Variants in ZFR2 observed in about 807,000 individuals in gnomAD.
ZFR2 encodes the protein zinc finger RNA-binding protein 2.
A neutral mutation model predicts 105.7 loss-of-function variants in ZFR2; 104 were observed. The ratio of observed to expected loss-of-function variants is 0.98; its 90% CI spans 0.84 to 1.16. The LOEUF (loss-of-function observed/expected upper bound fraction) is 1.16. Among genes scored for constraint, ZFR2 ranks in the 50% most tolerant of loss-of-function variants. ZFR2 has a pLI of 0.00. For missense variants in ZFR2, 1,425 were observed against 1,355.5 expected, an observed-to-expected ratio of 1.05 and a Z score of -0.80; for synonymous variants, 634 against 597.7, an observed-to-expected ratio of 1.06 and a Z score of -0.89.
intron 1 of ZFR2, among the ~76,000 whole-genome samples, chr19:3,856,649 A>T (rs2038305202): frequency 6.6e-6 from 1 of 152,150 alleles, no homozygotes; most frequent in Admixed American, 6.5e-5. Context: ...TGGTATGGTG[A>T]TGGTGTGATG....
In ZFR2 at chr19:3,825,348, G is replaced by A; in HGVS notation, c.1095C>T (p.Ala365=). The A allele has an allele frequency of 1.3e-6, 2 of 1,590,470 alleles. No individual in the cohort carries two copies. The change falls in exon 7 of 19, where the codon GCC becomes GCT. Residue 365 remains alanine (A), a synonymous_variant. Transcript: ENST00000262961. ...KPIPTLEPAL[A]TESPPGAEAK... is the part of the protein sequence containing the mutation. ...CCTCTGCCCCGGGGGGGCTCTCTGT[G>A]GCCAGTGCAGGCTCGAGGGTGGGAA...
In ZFR2 at chr19:3,822,181, C is replaced by T. The variant is rs117045684; in HGVS notation, c.1391G>A (p.Arg464Gln). Residue 464 changes from arginine (R) to glutamine (Q), a missense_variant, in exon 9 of 19, where the codon CGA becomes CAA. Coordinates refer to ENST00000262961, the MANE Select transcript of ZFR2 (RefSeq NM_015174.2). ...CAGCTTGCAGTGGAAGCGAAGCACT[C>T]GCCCTTCGTCGCTGAACACCTGAGA... ...YVEEVFSDEG[R>Q]VLRFHCKLCE... The T allele has an allele frequency of 4.4e-6, 7 of 1,598,370 alleles. No individual in the cohort carries two copies. The Middle Eastern group carries it at 8.3e-4, about 189-fold the overall frequency.
At chr19:3,855,095 T>A (rs918890294) in intron 1 of ZFR2, among the ~76,000 whole-genome samples, 1 of 151,948 alleles carries the variant, frequency 6.6e-6, no homozygotes, top group Non-Finnish European at 1.5e-5. Context: ...GGGGTCTCAC[T>A]ATGTCGCCCA....
rs1010625992 is a variant in ZFR2 at position 3,813,016 on chromosome 19, G to C, written c.2242+804C>G. On this transcript the variant is annotated intron_variant, in intron 14 of 18. Transcript: ENST00000262961. This position sits in a 1 kb window ranked among gnomAD's most constrained non-coding sequence, Gnocchi z 4.4. ...AATCGCTTGAACCCAGGCGGCGGAA[G>C]TTGCAGTGAGCTGAGATTGCGCCAT... is the stretch of plus-strand genomic sequence containing the variant. Among the ~76,000 whole-genome samples the C allele has an allele frequency of 6.6e-6, 1 of 152,192 alleles. No homozygotes were observed. The highest frequency in any genetic ancestry group is 6.5e-5 in the Admixed American group (1 of 15,290).
intron 1 of ZFR2, among the ~76,000 whole-genome samples, chr19:3,840,100 C>T (rs2038120269): frequency 6.6e-6 from 1 of 152,170 alleles, no homozygotes; most frequent in Non-Finnish European, 1.5e-5. Context: ...CCACACGGTT[C>T]ACTGATTTTA....
At chr19:3,819,878 T>C (rs1453142147) in intron 11 of ZFR2, among the ~76,000 whole-genome samples, 2 of 116,364 alleles carry the variant, frequency 1.7e-5, no homozygotes, top group African/African-American at 3.3e-5. Context: ...CCATCGAACC[T>C]GGGGGCTCGG....
chr19:3,837,582 G>A (rs913469712), intron 1 of ZFR2, among the ~76,000 whole-genome samples: 11 of 146,392 alleles, frequency 7.5e-5, no homozygotes, highest in Non-Finnish European at 1.2e-4. Context: ...AATGAACACC[G>A]TGACCATGAC....
At chr19:3,824,560 C>G (rs1415847676) in intron 7 of ZFR2, among the ~76,000 whole-genome samples, 5 of 152,112 alleles carry the variant, frequency 3.3e-5, no homozygotes, top group African/African-American at 1.2e-4. Flanking sequence ...CAGGGGAGCA[C>G]AGTGGAGGTG....
At chr19:3,849,232 A>G (rs1476047856) in intron 1 of ZFR2, among the ~76,000 whole-genome samples, 2 of 152,056 alleles carry the variant, frequency 1.3e-5, no homozygotes, top group African/African-American at 4.8e-5. Context: ...CCTTCAGCCC[A>G]GGACCCCAAG....
rs191938471 is a variant in ZFR2 at position 3,806,269 on chromosome 19, G to A, written c.2644-144C>T. ...TCGAGATAGCCCCCGGCCCCCCGCC[G>A]CTTTCTTTTTTGAGACACAGTCTCG... is the stretch of plus-strand genomic sequence containing the variant. On this transcript the variant is annotated intron_variant, in intron 18 of 18. Coordinates refer to ENST00000262961, the MANE Select transcript of ZFR2 (RefSeq NM_015174.2). The A allele has an allele frequency of 2.4e-4, 226 of 958,682 alleles. 1 individual carries two copies. In the African/African-American group the frequency reaches 3.2e-3, roughly 13 times the overall value. 59.4% of individuals were successfully genotyped at this position (958,682 alleles called of 1,614,324 possible). A position where few individuals can be genotyped will look rare whatever the true frequency, so the allele number is the denominator to read the frequency against.
At chr19:3,835,774 G>C (rs1232050752) in intron 1 of ZFR2, among the ~76,000 whole-genome samples, 1 of 151,668 alleles carries the variant, frequency 6.6e-6, no homozygotes, top group African/African-American at 2.4e-5. Context: ...ATGAGACCTT[G>C]TCTCCACCAA....
chr19:3,850,900 CAAAAAAA>C (rs59933286), intron 1 of ZFR2, among the ~76,000 whole-genome samples: 189 of 92,496 alleles, frequency 2.0e-3, no homozygotes, highest in African/African-American at 7.3e-3. Context: ...GCAGTCTTTT[CAAAAAAA>C]AAAAAAAAAA....
At chr19:3,812,924 C>CA (rs973310484) in intron 14 of ZFR2, among the ~76,000 whole-genome samples, 8 of 151,922 alleles carry the variant, frequency 5.3e-5, no homozygotes, top group African/African-American at 1.2e-4. Flanking sequence ...ACTAAAAATA[C>CA]AAAAAAATTA....
In ZFR2 at chr19:3,805,996, C is replaced by A. The variant is rs749788526; in HGVS notation, c.2773G>T (p.Ala925Ser). The A allele has an allele frequency of 1.9e-6, 3 of 1,545,418 alleles. No individual in the cohort carries two copies. The highest frequency in any genetic ancestry group is 2.5e-5 in the East Asian group (1 of 40,576). ...QRGPGEGEEG[A>S]GEKKRGRRGG... Reference sequence around the variant, plus strand: ...CGCCGGCCCCGCTTCTTCTCCCCTGCGCCCTCCTCTCCCTCGCCAGGTCCC... The same window carrying A: ...CGCCGGCCCCGCTTCTTCTCCCCTGAGCCCTCCTCTCCCTCGCCAGGTCCC... Residue 925 changes from alanine to serine, a missense_variant, in exon 19 of 19, where the codon GCA becomes TCA. Physicochemically the swap from Ala to Ser is moderately conservative, Grantham distance 99. Coordinates refer to ENST00000262961, the MANE Select transcript of ZFR2 (RefSeq NM_015174.2).
At position 3,821,395 on chromosome 19, in the gene ZFR2, G is replaced by A. The variant is rs755252111; in HGVS notation, c.1576C>T (p.Arg526Trp). ...TCCAGCCGCTCCTCCGCCAGGTGCCGCTGCTTCCTCATGCGCTCCTCCAGG... is the reference window on the plus strand; with the variant it reads ...TCCAGCCGCTCCTCCGCCAGGTGCCACTGCTTCCTCATGCGCTCCTCCAGG... Reference protein sequence around the residue: ...KVLEERMRKQRHLAEERLEQL... With the variant: ...KVLEERMRKQWHLAEERLEQL... Residue 526 changes from arginine (R) to tryptophan (W), a missense_variant, in exon 10 of 19, where the codon CGG (arginine) becomes TGG (tryptophan). By Grantham distance (101) the Arg-to-Trp change is moderately radical. Coordinates refer to ENST00000262961, the MANE Select transcript of ZFR2 (RefSeq NM_015174.2). 8 of 1,610,720 alleles carry A rather than the reference G, an allele frequency of 5.0e-6. No individual in the cohort carries two copies. Among genetic ancestry groups the A allele is most frequent in the Middle Eastern group, 1.8e-4 (1 of 5,684 alleles).
At chr19:3,810,437 C>A (rs1281248549) in intron 16 of ZFR2, among the ~76,000 whole-genome samples, 2 of 152,238 alleles carry the variant, frequency 1.3e-5, no homozygotes, top group East Asian at 3.8e-4. Flanking sequence ...GATGGGGAGT[C>A]CGGCTTCCGC....
intron 12 of ZFR2, among the ~76,000 whole-genome samples, chr19:3,818,669 T>C (rs1376291125): frequency 6.6e-6 from 1 of 152,172 alleles, no homozygotes; most frequent in Non-Finnish European, 1.5e-5. Context: ...ACTACTCTGA[T>C]TACTCAGTCA....
At chr19:3,821,001 AGGTCGGGGACACAGGGACACCGGG>A (rs1455514977) in intron 10 of ZFR2, among the ~76,000 whole-genome samples, 7 of 74,376 alleles carry the variant, frequency 9.4e-5, no homozygotes. Context: ...GGGACACTAG[AGGTCGGGGACACAGGGACACCGGG>A]GGTCGGGGGA....
chr19:3,825,334 G>A lies in ZFR2; in HGVS notation c.1109C>T (p.Pro370Leu), dbSNP rs1290528743. 2 of 1,589,792 alleles carry A rather than the reference G, an allele frequency of 1.3e-6. No individual in the cohort carries two copies. The highest frequency in any genetic ancestry group is 3.6e-5 in the Admixed American group (2 of 55,300). The change falls in exon 7 of 19, where the codon CCC becomes CTC. Residue 370 changes from proline to leucine, a missense_variant. Coordinates refer to ENST00000262961, the MANE Select transcript of ZFR2 (RefSeq NM_015174.2). ...LEPALATESPPGAEAKPTSPT... is the reference protein window; with the variant it reads ...LEPALATESPLGAEAKPTSPT... Reference sequence around the variant, plus strand: ...GGACGTGGGCTTGGCCTCTGCCCCGGGGGGGCTCTCTGTGGCCAGTGCAGG... The same window carrying A: ...GGACGTGGGCTTGGCCTCTGCCCCGAGGGGGCTCTCTGTGGCCAGTGCAGG...
Sources: allele counts gnomAD v4.1 joint callset (sites outside exome capture counted in the v4.1 genomes callset), GRCh38; gene constraint gnomAD v4.1.1; non-coding constraint Gnocchi (gnomAD v3.1); transcripts MANE v1.5; gene names NCBI Gene and HGNC (gene_info 2026-07-23, HGNC 2026-07-21).